The following FBLN7 variants were observed in gnomAD, a reference collection of about 807,000 sequenced individuals.
The protein encoded by FBLN7 is fibulin 7.
FBLN7 carries 31 observed loss-of-function variants against 44.0 expected under a neutral mutation model. The ratio of observed to expected loss-of-function variants is 0.70; its 90% CI spans 0.53 to 0.95. The LOEUF is 0.95. Ranked by LOEUF, FBLN7 falls within the 40% of genes least tolerant of loss-of-function variation. FBLN7 has a pLI of 0.00. For synonymous variants in FBLN7, 262 were observed against 253.4 expected, an observed-to-expected ratio of 1.03 and a Z score of -0.32; for missense variants, 573 against 618.5, an observed-to-expected ratio of 0.93 and a Z score of 0.78.
At chr2:112,199,204 G>T in the FBLN7 span, among the ~76,000 whole-genome samples, 2 of 152,154 alleles carry the variant, frequency 1.3e-5, no homozygotes, top group Admixed American at 1.3e-4. Context: ...ATTGCCCAGG[G>T]TGTCTTTTCT....
chr2:112,242,960 G>T, the FBLN7 span, among the ~76,000 whole-genome samples: 1 of 152,164 alleles, frequency 6.6e-6, no homozygotes, highest in South Asian at 2.1e-4. Context: ...AAAGAAATCT[G>T]TCCAGAGAAA....
intron 3 of FBLN7, among the ~76,000 whole-genome samples, chr2:112,172,854 G>T (rs1682544758): frequency 6.6e-6 from 1 of 151,972 alleles, no homozygotes; most frequent in South Asian, 2.1e-4. Context: ...GGCTGGTCTT[G>T]AACTCCTGGC....
chr2:112,181,557 T>C (rs1008093780), intron 4 of FBLN7, among the ~76,000 whole-genome samples, 182 bp from the exon 5 acceptor site: 1 of 152,216 alleles, frequency 6.6e-6, no homozygotes, highest in African/African-American at 2.4e-5. Flanking sequence ...CCCCTTCGCG[T>C]AGGCCCTGGA....
intron 7 of FBLN7, among the ~76,000 whole-genome samples, chr2:112,186,704 A>G (rs1211154096): frequency 6.6e-6 from 1 of 152,234 alleles, no homozygotes; most frequent in Non-Finnish European, 1.5e-5. Context: ...TGTGGGAAGC[A>G]CTGCATTACA....
At chr2:112,239,735 C>T in the FBLN7 span, among the ~76,000 whole-genome samples, 2 of 152,082 alleles carry the variant, frequency 1.3e-5, no homozygotes, top group Non-Finnish European at 1.5e-5. Context: ...CAGGCATGCA[C>T]CACCATGCTC....
chr2:112,197,923 A>G, the FBLN7 span, among the ~76,000 whole-genome samples: 1 of 152,152 alleles, frequency 6.6e-6, no homozygotes, highest in African/African-American at 2.4e-5. Flanking sequence ...ACATGATTCT[A>G]CTCACTTCAG....
chr2:112,228,697 A>C, the FBLN7 span, among the ~76,000 whole-genome samples: 3 of 152,186 alleles, frequency 2.0e-5, no homozygotes, highest in Non-Finnish European at 4.4e-5. Context: ...ATTCTTAGAT[A>C]CAACACGGAA....
chr2:112,187,106 C>T lies in FBLN7; in HGVS notation c.948-28C>T. On this transcript the variant is annotated intron_variant, in intron 7 of 7. Transcript: ENST00000331203. The surrounding 1 kb of genome is among the most constrained non-coding windows in gnomAD (Gnocchi z 5.1). ...TCTTCATGAGACTCCCCAAGGCTGA[C>T]TGCCTCCATTTTGCCTCTCCGCTCC... 6.2e-7 allele frequency: 1 copy of T among 1,607,752 alleles called. No individual in the cohort carries two copies. The highest frequency in any genetic ancestry group is 8.5e-7 in the Non-Finnish European group (1 of 1,176,248).
At chr2:112,198,677 G>A in the FBLN7 span, among the ~76,000 whole-genome samples, 6 of 152,014 alleles carry the variant, frequency 3.9e-5, no homozygotes, top group Admixed American at 6.6e-5. Flanking sequence ...GAAACCCAGA[G>A]TGTGTCTGCT....
chr2:112,164,520 A>G (rs1349700093), intron 2 of FBLN7, among the ~76,000 whole-genome samples: 1 of 152,228 alleles, frequency 6.6e-6, no homozygotes, highest in Non-Finnish European at 1.5e-5. Flanking sequence ...AGGTGGTGGC[A>G]TATGAGTGGA....
chr2:112,226,275 ATC>A, the FBLN7 span, among the ~76,000 whole-genome samples: 1 of 151,796 alleles, frequency 6.6e-6, no homozygotes, highest in Non-Finnish European at 1.5e-5. Context: ...CAGAAATTGA[ATC>A]TGTTATGTAA....
At chr2:112,234,136 T>C in the FBLN7 span, 2 of 1,583,534 alleles carry the variant, frequency 1.3e-6, no homozygotes, top group Non-Finnish European at 1.7e-6. Flanking sequence ...ACATTTCCTT[T>C]CAAGAAAATA....
intron 4 of FBLN7, among the ~76,000 whole-genome samples, chr2:112,180,427 A>G (rs1016480231): frequency 6.6e-6 from 1 of 152,218 alleles, no homozygotes; most frequent in Admixed American, 6.5e-5. Flanking sequence ...TGTGGAAAGC[A>G]GTATGGTGAT....
the FBLN7 span, among the ~76,000 whole-genome samples, chr2:112,204,273 C>CAA: frequency 1.0e-5 from 1 of 99,174 alleles, no homozygotes; most frequent in Non-Finnish European, 2.2e-5. Flanking sequence ...GCTTGAGGAA[C>CAA]AAAAAAAAAA....
Position 112,187,257 on chromosome 2 carries a change from G to A in FBLN7, c.1071G>A (p.Met357Ile), listed in dbSNP as rs1367999165. 3 of 1,614,194 alleles carry A rather than the reference G, an allele frequency of 1.9e-6. No homozygotes were observed. The highest frequency in any genetic ancestry group is 2.5e-6 in the Non-Finnish European group (3 of 1,180,044). Residue 357 changes from methionine (M) to isoleucine (I), a missense_variant, in exon 8 of 8, where the codon ATG (methionine) becomes ATA (isoleucine). Physicochemically the swap from Met to Ile is conservative, Grantham distance 10. Transcript: ENST00000331203. This position sits in a 1 kb window ranked among gnomAD's most constrained non-coding sequence, Gnocchi z 5.1. Reference sequence around the variant, plus strand: ...AGACGCCCATCACGCTCTTCCGCATGGCCACAGCCTCTGCCCCCGGCCGAG... The same window carrying A: ...AGACGCCCATCACGCTCTTCCGCATAGCCACAGCCTCTGCCCCCGGCCGAG... ...NLKTPITLFR[M>I]ATASAPGRAG...
the FBLN7 span, chr2:112,231,912 T>G: frequency 6.3e-7 from 1 of 1,587,224 alleles, no homozygotes; most frequent in East Asian, 2.3e-5. Flanking sequence ...TGATAACATT[T>G]TGTTCCTGTA....
the FBLN7 span, among the ~76,000 whole-genome samples, chr2:112,221,743 T>C: frequency 2.0e-5 from 3 of 152,122 alleles, no homozygotes; most frequent in African/African-American, 7.2e-5. Flanking sequence ...ATAATGGTCA[T>C]TTGGTCTAAC....
At chr2:112,182,030 C>A in intron 5 of FBLN7, 154 bp downstream of exon 5, 1 of 928,174 alleles carries the variant, frequency 1.1e-6, no homozygotes, top group Non-Finnish European at 1.5e-6. Context: ...TAAGTGTTGA[C>A]CTAGTGATGG....
At chr2:112,170,174 G>A (rs1453528043) in intron 3 of FBLN7, among the ~76,000 whole-genome samples, 5 of 149,076 alleles carry the variant, frequency 3.4e-5, no homozygotes, top group South Asian at 2.1e-4. Flanking sequence ...CCCGGGAGGC[G>A]GAGATTGCAG....
Sources: gnomAD v4.1 joint callset for allele counts (sites outside exome capture counted in the v4.1 genomes callset) on GRCh38, gnomAD v4.1.1 for gene constraint, Gnocchi (gnomAD v3.1) non-coding constraint, MANE v1.5 for transcripts, NCBI Gene and HGNC (gene_info 2026-07-23, HGNC 2026-07-21) for gene names.